ACAD8: variants seen among roughly 807,000 people sequenced by gnomAD.
ACAD8 encodes isobutyryl-CoA dehydrogenase, mitochondrial.
ACAD8 carries 47 observed loss-of-function variants against 53.1 expected under a neutral mutation model. The observed-to-expected ratio is 0.89, with a 90% CI of 0.70 to 1.13. ACAD8 has a LOEUF of 1.13. ACAD8 is among the 50% of genes most tolerant of loss of function. The pLI, the probability that ACAD8 is intolerant of heterozygous loss-of-function variation, is 0.00. For synonymous variants in ACAD8, 198 were observed against 201.3 expected (o/e 0.98, Z 0.14); for missense variants, 494 against 535.0 (o/e 0.92, Z 0.76).
intron 1 of ACAD8, among the ~76,000 whole-genome samples, chr11:134,255,677 C>T (rs1939489100): frequency 6.6e-6 from 1 of 152,190 alleles, no homozygotes; most frequent in Admixed American, 6.5e-5. Context: ...AATCGTTAAT[C>T]CTCAGAACTC....
chr11:134,263,433 A>T (rs1159539778), intron 10 of ACAD8: 2 of 983,096 alleles, frequency 2.0e-6, no homozygotes, highest in African/African-American at 1.7e-5. Context: ...CAGAGGGTCT[A>T]GTGTGGGCCT....
At chr11:134,260,036 C>T (rs376950845) in intron 6 of ACAD8, 31 of 1,244,250 alleles carry the variant, frequency 2.5e-5, no homozygotes, top group Middle Eastern at 3.4e-4. Flanking sequence ...CAGCTGCTTA[C>T]GTTGGTGCAC....
Position 134,261,863 on chromosome 11 carries a change from G to C in ACAD8, c.1065G>C (p.Lys355Asn). The change falls in exon 9 of 11, where the codon AAG becomes AAC. Residue 355 changes from lysine (K) to asparagine (N), a missense_variant. Coordinates refer to ENST00000281182, the MANE Select transcript of ACAD8 (RefSeq NM_014384.3). This position sits in a 1 kb window ranked among gnomAD's most constrained non-coding sequence, Gnocchi z 4.2. The stretch of plus-strand genomic sequence containing the variant: ...CAGTGGCCTTGTGCTCCATGGCCAA[G>C]CTCTTTGCTACAGATGAATGCTTTG... ...KDAVALCSMA[K>N]LFATDECFAI... 1 of 1,614,180 alleles carries C rather than the reference G, an allele frequency of 6.2e-7. No individual in the cohort carries two copies. Among genetic ancestry groups the C allele is most frequent in the Non-Finnish European group, 8.5e-7 (1 of 1,180,038 alleles).
chr11:134,259,521 T>C lies in ACAD8; in HGVS notation c.568-87T>C, dbSNP rs1352254867. The C allele has an allele frequency of 2.0e-5, 31 of 1,553,660 alleles. No homozygotes were observed. The East Asian group carries it at 6.5e-4, about 33-fold the overall frequency. On this transcript the variant is annotated intron_variant, in intron 5 of 10. Coordinates refer to ENST00000281182, the MANE Select transcript of ACAD8 (RefSeq NM_014384.3). Reference sequence around the variant, plus strand: ...TGTCAGTCTCTGTGCCATTGGACCTTATTGTCAGGAGGACCCAGTGGTGTT... The same window carrying C: ...TGTCAGTCTCTGTGCCATTGGACCTCATTGTCAGGAGGACCCAGTGGTGTT...
chr11:134,258,616 C>CT lies in ACAD8; in HGVS notation c.483dup (p.Glu162Ter). On this transcript the variant is annotated frameshift_variant, in exon 4 of 11. Coordinates refer to ENST00000281182, the MANE Select transcript of ACAD8 (RefSeq NM_014384.3). LOFTEE classifies it high-confidence loss of function. ...GAGAAGTTTGCTTCCTACTGCCTCA[C>CT]TGAACCAGGTGAATTTGCCACACTG... 1 of 1,613,340 alleles carries CT rather than the reference C, an allele frequency of 6.2e-7. No homozygotes were observed.
intron 1 of ACAD8, among the ~76,000 whole-genome samples, chr11:134,256,158 C>T (rs555113828): frequency 3.9e-5 from 6 of 152,348 alleles, no homozygotes; most frequent in African/African-American, 9.6e-5. Flanking sequence ...CTGCCCGCCT[C>T]GGCCTCCTGA....
In ACAD8 at chr11:134,256,532, G is replaced by C; in HGVS notation, c.110-16G>C. Reference sequence around the variant, plus strand: ...CTGACCCTGTCCTAGAACAGTATATGCAATCCTGCCCACAGCTTCCATGGG... The same window carrying C: ...CTGACCCTGTCCTAGAACAGTATATCCAATCCTGCCCACAGCTTCCATGGG... On this transcript the variant is annotated splice_polypyrimidine_tract_variant and intron_variant, in intron 1 of 10. Transcript: ENST00000281182. The C allele has an allele frequency of 6.2e-7, 1 of 1,610,222 alleles. No individual in the cohort carries two copies.
At chr11:134,262,904 T>G (rs1939981506) in intron 10 of ACAD8, 2 of 1,334,880 alleles carry the variant, frequency 1.5e-6, no homozygotes, top group Middle Eastern at 2.0e-4. Context: ...TGAGAAAGCA[T>G]GTTGAAAACC....
chr11:134,262,681 C>G (rs771712085), intron 10 of ACAD8, 59 bp downstream of exon 10: 232 of 1,551,602 alleles, frequency 1.5e-4, no homozygotes, highest in Non-Finnish European at 1.7e-4. Context: ...TCGCTGCTTT[C>G]CCCACTCTCT....
At chr11:134,262,206 T>C in intron 9 of ACAD8, 1 of 649,040 alleles carries the variant, frequency 1.5e-6, no homozygotes, top group East Asian at 3.1e-5. Context: ...TCAGGCTGCA[T>C]TGCCACTAGG....
chr11:134,260,275 G>A (rs1242227954), intron 6 of ACAD8: 9 of 914,236 alleles, frequency 9.8e-6, no homozygotes, highest in Non-Finnish European at 1.2e-5. Context: ...GCATGAACAG[G>A]AGACTTGTGA....
intron 3 of ACAD8, 62 bp downstream of exon 3, chr11:134,257,319 G>C: frequency 1.3e-6 from 2 of 1,587,092 alleles, no homozygotes; most frequent in South Asian, 1.1e-5. Flanking sequence ...TGAGAGTTCA[G>C]ATTCGTAGGA....
chr11:134,261,527 T>G lies in ACAD8; in HGVS notation c.939+155T>G. ...GTGCTTTATTTCTGTCCATCTTTTCTTGGGATATCTTTAACGATATTAAAG... is the reference window on the plus strand; with the variant it reads ...GTGCTTTATTTCTGTCCATCTTTTCGTGGGATATCTTTAACGATATTAAAG... On this transcript the variant is annotated intron_variant, in intron 8 of 10. Transcript: ENST00000281182. The surrounding 1 kb of genome is among the most constrained non-coding windows in gnomAD (Gnocchi z 4.2). 1.3e-6 allele frequency: 2 copies of G among 1,508,070 alleles called. No homozygotes were observed. The highest frequency in any genetic ancestry group is 1.8e-6 in the Non-Finnish European group (2 of 1,109,770). 93.4% of individuals were successfully genotyped at this position (1,508,070 alleles called of 1,614,324 possible).
chr11:134,265,055 A>C lies in ACAD8; in HGVS notation c.*95A>C, dbSNP rs572962213. Reference sequence around the variant, plus strand: ...CTCTATTCCAAAGGAATCATGGATTAGACCCAAGGGCTGAGCTCCTCTAGG... The same window carrying C: ...CTCTATTCCAAAGGAATCATGGATTCGACCCAAGGGCTGAGCTCCTCTAGG... On this transcript the variant is annotated 3_prime_UTR_variant, in exon 11 of 11. Transcript: ENST00000281182. The C allele has an allele frequency of 7.2e-7, 1 of 1,393,082 alleles. No homozygotes were observed. The highest frequency in any genetic ancestry group is 1.4e-5 in the African/African-American group (1 of 70,528). The allele number at this position is 1,393,082 out of a possible 1,614,324, so 86.3% of individuals were successfully genotyped here.
chr11:134,254,710 G>A (rs2136071500), intron 1 of ACAD8, among the ~76,000 whole-genome samples: 1 of 152,300 alleles, frequency 6.6e-6, no homozygotes, highest in East Asian at 1.9e-4. Context: ...TTTAGAGGTG[G>A]GTTTTGTTAT....
intron 3 of ACAD8, chr11:134,258,281 C>T (rs778031972): frequency 2.3e-5 from 13 of 576,646 alleles, no homozygotes; most frequent in African/African-American, 1.3e-4. Context: ...GTAGTACAAA[C>T]GTGCTGGTGA....
chr11:134,258,531 A>G lies in ACAD8; in HGVS notation c.397A>G (p.Ile133Val). ...ISIHNMCAWM[I>V]DSFGNEEQRH... ...ACCTATCAGCATGTGTGCCTGGATG[A>G]TTGATAGCTTCGGAAATGAGGAACA... is the stretch of plus-strand genomic sequence containing the variant. The change falls in exon 4 of 11, where the codon ATT (isoleucine) becomes GTT (valine). Residue 133 changes from isoleucine to valine, a missense_variant. Ile to Val is a conservative substitution (Grantham distance 29). Transcript: ENST00000281182. The G allele has an allele frequency of 6.2e-7, 1 of 1,612,902 alleles. No homozygotes were observed. Among genetic ancestry groups the G allele is most frequent in the South Asian group, 1.1e-5 (1 of 90,984 alleles).
chr11:134,262,201 C>G lies in ACAD8; in HGVS notation c.1092+311C>G, dbSNP rs1055088638. Reference sequence around the variant, plus strand: ...ACTCTGCCATGTTTACATTGTCAGGCTGCATTGCCACTAGGGGGAACCATA... The same window carrying G: ...ACTCTGCCATGTTTACATTGTCAGGGTGCATTGCCACTAGGGGGAACCATA... On this transcript the variant is annotated intron_variant, in intron 9 of 10. Coordinates refer to ENST00000281182, the MANE Select transcript of ACAD8 (RefSeq NM_014384.3). 4.6e-6 allele frequency: 3 copies of G among 649,914 alleles called. No individual in the cohort carries two copies. In the African/African-American group the frequency reaches 5.3e-5, roughly 12 times the overall value. 40.3% of individuals were successfully genotyped at this position (649,914 alleles called of 1,614,324 possible). A position where few individuals can be genotyped will look rare whatever the true frequency, so the allele number is the denominator to read the frequency against.
intron 10 of ACAD8, chr11:134,263,782 C>G: frequency 1.0e-6 from 1 of 985,482 alleles, no homozygotes; most frequent in Non-Finnish European, 1.2e-6. Context: ...CCATCACCCA[C>G]TTACAGAAGA....
Sources: allele counts gnomAD v4.1 joint callset (sites outside exome capture counted in the v4.1 genomes callset), GRCh38; gene constraint gnomAD v4.1.1; non-coding constraint Gnocchi (gnomAD v3.1); transcripts MANE v1.5; gene names NCBI Gene and HGNC (gene_info 2026-07-23, HGNC 2026-07-21).